CNTRL: variants seen among roughly 807,000 people sequenced by gnomAD.
CNTRL encodes centriolin, also known as 110 kDa centrosomal protein.
Under a neutral mutation model 303.7 loss-of-function variants are expected in CNTRL, and 233 were observed. The observed-to-expected ratio is 0.77, with a 90% confidence interval of 0.69 to 0.86. The LOEUF is 0.86. Among genes scored for constraint, CNTRL ranks in the 40% least tolerant of loss-of-function variants. CNTRL has a pLI of 0.00. For missense variants in CNTRL, 2,524 were observed against 2,650.6 expected (o/e 0.95, Z 1.05); for synonymous variants, 900 against 922.2 (o/e 0.98, Z 0.44).
rs1387230949 is a variant in CNTRL, at chr9:121,152,637, C to T, written c.4116C>T (p.Ser1372=). 1.2e-6 allele frequency: 2 copies of T among 1,613,858 alleles called. No homozygotes were observed. The highest frequency in any genetic ancestry group is 1.7e-5 in the Admixed American group (1 of 59,998). Residue 1372 remains serine, a synonymous_variant, in exon 26 of 44, where the codon AGC becomes AGT. Transcript: ENST00000373855. ...ATGATCTTTTGCAAGAGAAGAAAAG[C>T]TTAGAGTGTGAAGTAGAAGAATTAC... ...NIDDLLQEKK[S]LECEVEELHR... is the part of the protein sequence containing the mutation.
In CNTRL at chr9:121,154,785, C is replaced by G. The variant is rs759958140; in HGVS notation, c.4237C>G (p.His1413Asp). The G allele has an allele frequency of 5.0e-6, 8 of 1,611,604 alleles. No individual in the cohort carries two copies. The African/African-American group carries it at 1.1e-4, about 22-fold the overall frequency. Residue 1413 changes from histidine (H) to aspartate (D), a missense_variant, in exon 27 of 44, where the codon CAT becomes GAT. By Grantham distance (81) the His-to-Asp change is moderately conservative. Transcript: ENST00000373855. ...ACTAGAAATAGAAAAATCACTCAAA[C>G]ATCATGAAGATATTGTAGATGAAAT... ...TELEIEKSLK[H>D]HEDIVDEIEC...
intron 14 of CNTRL, among the ~76,000 whole-genome samples, chr9:121,127,083 G>A (rs947225239): frequency 1.3e-4 from 20 of 152,130 alleles, no homozygotes; most frequent in African/African-American, 4.8e-4. Context: ...GCCTCTGAAA[G>A]TGCTCGGATT....
Position 121,131,772 on chromosome 9 carries a change from G to A in CNTRL, c.2026-4034G>A, listed in dbSNP as rs573987011. ...GCATGTTTTTGCAGTGGCTGGTACG[G>A]GTTGTTCCTTTCCATGTTTAGTGCT... is the stretch of plus-strand genomic sequence containing the variant. On this transcript the variant is annotated intron_variant, in intron 14 of 43. Transcript: ENST00000373855. 1.5e-3 allele frequency among the ~76,000 whole-genome samples: 233 copies of A among 152,284 alleles called. 2 individuals carry two copies. The highest frequency in any genetic ancestry group is 4.6e-3 in the African/African-American group (191 of 41,550).
At position 121,098,459 on chromosome 9, in the gene CNTRL, C is replaced by T; in HGVS notation, c.695C>T (p.Thr232Ile). 6.2e-7 allele frequency: 1 copy of T among 1,613,840 alleles called. No individual in the cohort carries two copies. Among genetic ancestry groups the T allele is most frequent in the Non-Finnish European group, 8.5e-7 (1 of 1,179,752 alleles). Reference sequence around the variant, plus strand: ...ATCCTAGTTGAAAATCCAGTTGTGACCCTTCCTCATTACCTCCAGTTTACC... The same window carrying T: ...ATCCTAGTTGAAAATCCAGTTGTGATCCTTCCTCATTACCTCCAGTTTACC... ...SLILVENPVV[T>I]LPHYLQFTIF... is the part of the protein sequence containing the mutation. The change falls in exon 7 of 44, where the codon ACC becomes ATC. Residue 232 changes from threonine to isoleucine, a missense_variant. Transcript: ENST00000373855.
At chr9:121,125,668 G>C in intron 13 of CNTRL, 48 bp from the exon 14 acceptor site, 1 of 1,479,898 alleles carries the variant, frequency 6.8e-7, no homozygotes, top group Non-Finnish European at 9.4e-7. Flanking sequence ...AGCAGACAAT[G>C]CAGTACTTTA....
chr9:121,105,671 G>C (rs1005281296), intron 7 of CNTRL, among the ~76,000 whole-genome samples: 2 of 152,178 alleles, frequency 1.3e-5, no homozygotes, highest in East Asian at 3.9e-4. Context: ...GTGGGAAATA[G>C]CCCAGAGAAG....
intron 13 of CNTRL, among the ~76,000 whole-genome samples, chr9:121,125,198 C>T (rs536062909): frequency 1.1e-4 from 17 of 149,740 alleles, no homozygotes; most frequent in South Asian, 6.3e-4. Flanking sequence ...GACGGAGCCT[C>T]GCTCTGTCAC....
chr9:121,097,801 A>G (rs1168341585), intron 6 of CNTRL, among the ~76,000 whole-genome samples: 1 of 152,210 alleles, frequency 6.6e-6, no homozygotes, highest in African/African-American at 2.4e-5. Flanking sequence ...TCCTCACCCC[A>G]TTGATATTTG....
At position 121,113,582 on chromosome 9, in the gene CNTRL, G is replaced by C. The variant is rs2049846334; in HGVS notation, c.1203G>C (p.Glu401Asp). The change falls in exon 10 of 44, where the codon GAG becomes GAC. Residue 401 changes from glutamate to aspartate, a missense_variant. Physicochemically the swap from Glu to Asp is conservative, Grantham distance 45. Coordinates refer to ENST00000373855, the MANE Select transcript of CNTRL (RefSeq NM_007018.6). Reference sequence around the variant, plus strand: ...ACAAGAGAAATATGTTTGCCACAGAGAGTTATATTATTGACAGTGCTCAGG... The same window carrying C: ...ACAAGAGAAATATGTTTGCCACAGACAGTTATATTATTGACAGTGCTCAGG... ...SRYKRNMFAT[E>D]SYIIDSAQAV... The C allele has an allele frequency of 6.2e-7, 1 of 1,609,708 alleles. No individual in the cohort carries two copies. The highest frequency in any genetic ancestry group is 8.5e-7 in the Non-Finnish European group (1 of 1,178,730).
intron 17 of CNTRL, 77 bp from the exon 18 acceptor site, chr9:121,141,304 T>G: frequency 8.6e-7 from 1 of 1,168,964 alleles, no homozygotes; most frequent in Non-Finnish European, 1.3e-6. Context: ...ACTCTGGAGC[T>G]AAAGTTAATA....
At chr9:121,115,950 T>C (rs1416977468) in intron 11 of CNTRL, among the ~76,000 whole-genome samples, 4 of 152,238 alleles carry the variant, frequency 2.6e-5, no homozygotes, top group African/African-American at 4.8e-5. Flanking sequence ...TTACTATATG[T>C]CAGTCACTGG....
At chr9:121,078,510 G>A (rs956031103) in intron 1 of CNTRL, among the ~76,000 whole-genome samples, 6 of 152,220 alleles carry the variant, frequency 3.9e-5, no homozygotes, top group African/African-American at 1.4e-4. Context: ...CACACATTAA[G>A]CAAGCAGTTA....
intron 7 of CNTRL, among the ~76,000 whole-genome samples, chr9:121,104,975 G>A (rs1487753889): frequency 1.3e-5 from 2 of 152,146 alleles, no homozygotes; most frequent in Non-Finnish European, 2.9e-5. Context: ...CTCCCAAAGT[G>A]CTGGCATTAC....
In CNTRL at chr9:121,094,971, C is replaced by G; in HGVS notation, c.432C>G (p.Asp144Glu). 5.0e-6 allele frequency: 8 copies of G among 1,606,880 alleles called. No homozygotes were observed. The highest frequency in any genetic ancestry group is 6.8e-6 in the Non-Finnish European group (8 of 1,175,880). Reference protein sequence around the residue: ...YNLIGKIEKLDKLLKLRELNL... With the variant: ...YNLIGKIEKLEKLLKLRELNL... ...TAATAGGGAAGATTGAAAAGTTGGA[C>G]AAGCTGTTAAAATTACGTGAACTCA... The change falls in exon 5 of 44, where the codon GAC becomes GAG. Residue 144 changes from aspartate to glutamate, a missense_variant. Coordinates refer to ENST00000373855, the MANE Select transcript of CNTRL (RefSeq NM_007018.6).
At chr9:121,101,670 G>T (rs1480477463) in intron 7 of CNTRL, among the ~76,000 whole-genome samples, 1 of 151,892 alleles carries the variant, frequency 6.6e-6, no homozygotes, top group South Asian at 2.1e-4. Flanking sequence ...TAACAAAGAA[G>T]AAAAGAGAGA....
At chr9:121,119,870 T>C (rs964271869) in intron 12 of CNTRL, among the ~76,000 whole-genome samples, 51 of 152,192 alleles carry the variant, frequency 3.4e-4, no homozygotes, top group African/African-American at 1.2e-3. Flanking sequence ...TAATCCTTTT[T>C]GCAAATTTTC....
chr9:121,165,977 A>C (rs1588323110), intron 35 of CNTRL, 130 bp from the exon 36 acceptor site: 1 of 662,150 alleles, frequency 1.5e-6, no homozygotes, highest in Non-Finnish European at 2.6e-6. Context: ...TTAATGAGAT[A>C]GTGTGGCATA....
rs2134100360 is a variant in CNTRL at position 121,146,094 on chromosome 9, A to G, written c.3311-14A>G. ...GATTTCATATCAATTTCATAGAATG[A>G]CTTTTCTTTACAGACAACAAAGGAG... On this transcript the variant is annotated splice_polypyrimidine_tract_variant and intron_variant, in intron 22 of 43. Transcript: ENST00000373855. 1 of 1,583,414 alleles carries G rather than the reference A, an allele frequency of 6.3e-7. No homozygotes were observed. Among genetic ancestry groups the G allele is most frequent in the South Asian group, 1.2e-5 (1 of 85,720 alleles).
chr9:121,102,525 A>G (rs1401557740), intron 7 of CNTRL, among the ~76,000 whole-genome samples: 1 of 152,288 alleles, frequency 6.6e-6, no homozygotes, highest in East Asian at 1.9e-4. Flanking sequence ...CCTATTCAAC[A>G]TAGTGTTGGA....
Sources: allele counts gnomAD v4.1 joint callset (sites outside exome capture counted in the v4.1 genomes callset), GRCh38; gene constraint gnomAD v4.1.1; transcripts MANE v1.5; gene names NCBI Gene and HGNC (gene_info 2026-07-23, HGNC 2026-07-21).